PHACTR1: variants seen among roughly 807,000 people sequenced by gnomAD.
PHACTR1 encodes the protein phosphatase and actin regulator 1.
In PHACTR1, 16 loss-of-function variants were observed where a neutral mutation model predicts 69.2. The observed-to-expected ratio is 0.23, with a 90% confidence interval of 0.16 to 0.35. The LOEUF is 0.35. Ranked by LOEUF, PHACTR1 falls within the 10% of genes least tolerant of loss-of-function variation. The probability of loss-of-function intolerance (pLI) is 1.00; values close to 1 mark genes in which losing one functional copy is unlikely to be tolerated. For synonymous variants in PHACTR1, 312 were observed against 284.5 expected (o/e 1.10, Z -0.97); for missense variants, 510 against 734.7 (o/e 0.69, Z 3.54).
chr6:12,847,312 C>T (rs550055837), intron 4 of PHACTR1, among the ~76,000 whole-genome samples: 6 of 152,100 alleles, frequency 3.9e-5, no homozygotes, highest in South Asian at 2.1e-4. Flanking sequence ...TAGATAGATA[C>T]GGATAAATAA....
intron 4 of PHACTR1, among the ~76,000 whole-genome samples, chr6:13,017,531 C>T (rs560403026): frequency 1.3e-3 from 197 of 152,114 alleles, no homozygotes; most frequent in African/African-American, 4.6e-3. Flanking sequence ...TTATGGACGT[C>T]ATAAAGCCAT....
At chr6:12,775,288 C>G (rs1270671585) in intron 4 of PHACTR1, among the ~76,000 whole-genome samples, 2 of 152,188 alleles carry the variant, frequency 1.3e-5, no homozygotes, top group African/African-American at 4.8e-5. Flanking sequence ...AATGAAATAA[C>G]ACTTCTTATT....
At chr6:12,765,658 C>G (rs1768519011) in intron 4 of PHACTR1, among the ~76,000 whole-genome samples, 2 of 152,146 alleles carry the variant, frequency 1.3e-5, no homozygotes, top group Non-Finnish European at 2.9e-5. Context: ...CCCGTCAGGC[C>G]TCTTAGCATT....
intron 4 of PHACTR1, among the ~76,000 whole-genome samples, chr6:12,982,572 G>A (rs749530431): frequency 3.1e-4 from 47 of 152,270 alleles, no homozygotes; most frequent in Non-Finnish European, 5.9e-4. Flanking sequence ...CCAGCTACTC[G>A]GGAGGCTGAG....
chr6:13,236,726 C>G (rs73355365), intron 10 of PHACTR1, among the ~76,000 whole-genome samples: 8,644 of 152,224 alleles, frequency 0.057, 728 homozygotes, highest in African/African-American at 0.19. Flanking sequence ...TGTAAAGACC[C>G]TGTCTCAATA....
chr6:13,267,704 C>T (rs1035435709), intron 10 of PHACTR1: 5 of 152,130 alleles, frequency 3.3e-5, no homozygotes, highest in African/African-American at 1.2e-4. Flanking sequence ...GTGTCTGGCC[C>T]TTCATGTGGC....
chr6:13,198,660 A>G (rs1192366297), intron 7 of PHACTR1, among the ~76,000 whole-genome samples: 1 of 151,664 alleles, frequency 6.6e-6, no homozygotes, highest in Non-Finnish European at 1.5e-5. Flanking sequence ...AGATCCGTGC[A>G]TAAATCCCGT....
chr6:13,284,581 TA>T (rs1781214913), intron 13 of PHACTR1, among the ~76,000 whole-genome samples: 1 of 89,552 alleles, frequency 1.1e-5, no homozygotes, highest in Non-Finnish European at 1.9e-5. Flanking sequence ...GATACACGTA[TA>T]TATATATATA....
intron 4 of PHACTR1, among the ~76,000 whole-genome samples, chr6:12,754,698 G>T (rs1423726099): frequency 6.6e-6 from 1 of 152,170 alleles, no homozygotes; most frequent in Non-Finnish European, 1.5e-5. Flanking sequence ...GGCATTCATG[G>T]GTTCCACATC....
chr6:12,911,906 A>G (rs1392811229), intron 4 of PHACTR1, among the ~76,000 whole-genome samples: 1 of 152,206 alleles, frequency 6.6e-6, no homozygotes, highest in Non-Finnish European at 1.5e-5. Flanking sequence ...AAATCAATCA[A>G]AGAGGAAGGT....
At chr6:13,118,220 T>A (rs908467484) in intron 5 of PHACTR1, among the ~76,000 whole-genome samples, 2 of 152,226 alleles carry the variant, frequency 1.3e-5, no homozygotes, top group Non-Finnish European at 2.9e-5. Flanking sequence ...GAACATGTGC[T>A]ATTATTGTTC....
intron 4 of PHACTR1, among the ~76,000 whole-genome samples, chr6:12,840,352 C>A (rs1003298062): frequency 1.3e-5 from 2 of 152,214 alleles, no homozygotes; most frequent in African/African-American, 4.8e-5. Flanking sequence ...AAGCCATTAT[C>A]TTGGCATATC....
At chr6:12,749,534 TC>T (rs1184025252) in intron 3 of PHACTR1, 109 bp from the exon 4 acceptor site, 1 of 376,448 alleles carries the variant, frequency 2.7e-6, no homozygotes, top group Admixed American at 2.9e-5. Flanking sequence ...CCCCTTCCCT[TC>T]CTCTCCCCTC....
At chr6:13,127,487 T>C (rs1316005396) in intron 5 of PHACTR1, among the ~76,000 whole-genome samples, 1 of 152,164 alleles carries the variant, frequency 6.6e-6, no homozygotes, top group Non-Finnish European at 1.5e-5. Context: ...GGAGGATCAC[T>C]TGAGCCCAGG....
chr6:12,806,786 A>G (rs766450878), intron 4 of PHACTR1, among the ~76,000 whole-genome samples: 19 of 152,190 alleles, frequency 1.2e-4, no homozygotes, highest in Non-Finnish European at 1.9e-4. Flanking sequence ...TATAAATTTC[A>G]ATCTTTAGGA....
At chr6:12,754,128 ATTTTTTTT>A (rs34841058) in intron 4 of PHACTR1, among the ~76,000 whole-genome samples, 2 of 112,428 alleles carry the variant, frequency 1.8e-5, no homozygotes, top group African/African-American at 6.8e-5. Flanking sequence ...ACGCCTGGCT[ATTTTTTTT>A]TTTTTTTTTT....
At chr6:12,983,989 T>C (rs1339328437) in intron 4 of PHACTR1, among the ~76,000 whole-genome samples, 1 of 152,232 alleles carries the variant, frequency 6.6e-6, no homozygotes, top group Non-Finnish European at 1.5e-5. Flanking sequence ...CTATTGTGAA[T>C]AGTGCTGCAA....
chr6:13,025,611 G>A (rs968950523), intron 4 of PHACTR1, among the ~76,000 whole-genome samples: 2 of 151,456 alleles, frequency 1.3e-5, no homozygotes, highest in African/African-American at 4.9e-5. Context: ...CTAGGAAGAC[G>A]ACATCTAATA....
intron 4 of PHACTR1, among the ~76,000 whole-genome samples, chr6:12,790,056 A>G (rs888411449): frequency 1.3e-5 from 2 of 152,018 alleles, no homozygotes; most frequent in Non-Finnish European, 2.9e-5. Flanking sequence ...ACCTCTGAAT[A>G]AGTCCCTGTT....
Sources: allele counts gnomAD v4.1 joint callset (sites outside exome capture counted in the v4.1 genomes callset), GRCh38; gene constraint gnomAD v4.1.1; transcripts MANE v1.5; gene names NCBI Gene and HGNC (gene_info 2026-07-23, HGNC 2026-07-21).